The following BICC1 variants were observed in gnomAD, a reference collection of about 807,000 sequenced individuals.
BICC1 encodes BicC family RNA binding protein 1, also known as protein bicaudal C homolog 1.
A neutral mutation model predicts 111.0 loss-of-function variants in BICC1; 43 were observed. The ratio of observed to expected loss-of-function variants is 0.39; its 90% CI spans 0.30 to 0.50. The LOEUF (loss-of-function observed/expected upper bound fraction) is 0.50, where lower values mean the gene tolerates loss of function less well. Ranked by LOEUF, BICC1 falls within the 20% of genes least tolerant of loss-of-function variation. The probability of loss-of-function intolerance (pLI) is 0.88; values close to 1 mark genes in which losing one functional copy is unlikely to be tolerated. For synonymous variants in BICC1, 467 were observed against 434.4 expected (o/e 1.07, Z -0.93); for missense variants, 1,091 against 1,203.2 (o/e 0.91, Z 1.38).
At chr10:58,534,873 T>C (rs750316546) in intron 1 of BICC1, among the ~76,000 whole-genome samples, 1 of 151,368 alleles carries the variant, frequency 6.6e-6, no homozygotes, top group Non-Finnish European at 1.5e-5. Context: ...AATTTTTTTT[T>C]AAAGAGATAG....
At chr10:58,634,353 G>A (rs1837891247) in intron 2 of BICC1, among the ~76,000 whole-genome samples, 1 of 152,062 alleles carries the variant, frequency 6.6e-6, no homozygotes, top group Admixed American at 6.5e-5. Flanking sequence ...CATTTCTCCA[G>A]TTCTACCGTC....
chr10:58,777,905 G>A lies in BICC1; in HGVS notation c.308-7096G>A, dbSNP rs1842790518. 3.3e-5 allele frequency among the ~76,000 whole-genome samples: 5 copies of A among 152,182 alleles called. No individual in the cohort carries two copies. The South Asian group carries it at 1.0e-3, about 32-fold the overall frequency. On this transcript the variant is annotated intron_variant, in intron 3 of 20. Transcript: ENST00000373886. The stretch of plus-strand genomic sequence containing the variant: ...TCTTCTCTTTTAGTTGACTAGTAAG[G>A]AGATTATTTTTTCAGTTTTAAAATA...
At chr10:58,710,035 G>T (rs1012746203) in intron 3 of BICC1, among the ~76,000 whole-genome samples, 1 of 152,110 alleles carries the variant, frequency 6.6e-6, no homozygotes, top group Non-Finnish European at 1.5e-5. Context: ...TATGTAAGTG[G>T]GTCCTACCAT....
chr10:58,787,125 C>T (rs771614436), intron 5 of BICC1, 44 bp downstream of exon 5: 1 of 1,473,812 alleles, frequency 6.8e-7, no homozygotes, highest in African/African-American at 1.5e-5. Context: ...TGAATTACAG[C>T]CTTAATTTAA....
rs148741340 is a variant in BICC1 at position 58,538,726 on chromosome 10, A to C, written c.190+25393A>C. ...CATCTGACAACATACACGGAACTCA[A>C]ATCACTAAGAAAAAACAAATAATCC... is the stretch of plus-strand genomic sequence containing the variant. On this transcript the variant is annotated intron_variant, in intron 1 of 20. Transcript: ENST00000373886. 2.3e-3 allele frequency among the ~76,000 whole-genome samples: 354 copies of C among 152,036 alleles called. 1 individual carries two copies. Among genetic ancestry groups the C allele is most frequent in the African/African-American group, 8.2e-3 (341 of 41,518 alleles).
intron 1 of BICC1, among the ~76,000 whole-genome samples, chr10:58,565,938 A>G (rs1277323997): frequency 2.6e-5 from 4 of 152,040 alleles, no homozygotes; most frequent in Admixed American, 1.3e-4. Flanking sequence ...ACTGTACCCA[A>G]TTTCTAGTCT....
chr10:58,630,930 T>TA (rs1251558840), intron 2 of BICC1, among the ~76,000 whole-genome samples: 2 of 152,184 alleles, frequency 1.3e-5, no homozygotes, highest in African/African-American at 4.8e-5. Flanking sequence ...TAGACCATAC[T>TA]ATACCAGTGT....
intron 2 of BICC1, among the ~76,000 whole-genome samples, chr10:58,628,346 C>A (rs964432785): frequency 6.6e-6 from 1 of 152,136 alleles, no homozygotes; most frequent in African/African-American, 2.4e-5. Flanking sequence ...ACTGAGGTTA[C>A]TTCTGTGTCT....
intron 3 of BICC1, chr10:58,716,236 A>G (rs920879383): frequency 1.5e-5 from 22 of 1,497,070 alleles, no homozygotes; most frequent in Middle Eastern, 4.8e-4. Flanking sequence ...TAAGAAGCAT[A>G]AGAAACACAG....
chr10:58,575,588 G>T (rs1844087601), intron 1 of BICC1, among the ~76,000 whole-genome samples: 1 of 151,442 alleles, frequency 6.6e-6, no homozygotes, highest in South Asian at 2.1e-4. Flanking sequence ...GGTTGTTGTT[G>T]TTGGTTTTTT....
intron 8 of BICC1, among the ~76,000 whole-genome samples, chr10:58,790,819 T>A (rs1843153786): frequency 6.6e-6 from 1 of 152,124 alleles, no homozygotes; most frequent in Admixed American, 6.5e-5. Context: ...ATAAATGAAA[T>A]GGAATGAAAT....
At chr10:58,561,346 C>T (rs953119934) in intron 1 of BICC1, among the ~76,000 whole-genome samples, 2 of 151,600 alleles carry the variant, frequency 1.3e-5, no homozygotes, top group Non-Finnish European at 2.9e-5. Flanking sequence ...TTCATTTTAT[C>T]TAATATAAAT....
At chr10:58,687,517 C>T (rs1199815931) in intron 2 of BICC1, among the ~76,000 whole-genome samples, 3 of 152,182 alleles carry the variant, frequency 2.0e-5, no homozygotes, top group Admixed American at 2.0e-4. Context: ...GTGGGCTCCA[C>T]CCAGTTTGAG....
chr10:58,694,005 C>T lies in BICC1; in HGVS notation c.238-8069C>T, dbSNP rs116067415. ...TTTTTATGGTTTTAGGTCATATCTCCATCTTTTTTGTCACAGCCCCTTCCT... is the reference window on the plus strand; with the variant it reads ...TTTTTATGGTTTTAGGTCATATCTCTATCTTTTTTGTCACAGCCCCTTCCT... On this transcript the variant is annotated intron_variant, in intron 2 of 20. Transcript: ENST00000373886. Among the ~76,000 whole-genome samples the T allele has an allele frequency of 9.8e-3, 1,493 of 152,092 alleles. 34 individuals are homozygous for T. Among genetic ancestry groups the T allele is most frequent in the African/African-American group, 0.034 (1,423 of 41,520 alleles).
rs1037990030 is a variant in BICC1, at chr10:58,788,360, C to A, written c.547-10C>A. ...AATAAATCTAACTTTGTATTTTCCT[C>A]CTCTTATAGGTATCTATAGCGGGAC... is the stretch of plus-strand genomic sequence containing the variant. On this transcript the variant is annotated splice_polypyrimidine_tract_variant and intron_variant, in intron 5 of 20. Transcript: ENST00000373886. The A allele has an allele frequency of 1.9e-6, 3 of 1,596,292 alleles. No homozygotes were observed. Among genetic ancestry groups the A allele is most frequent in the Non-Finnish European group, 2.6e-6 (3 of 1,165,830 alleles).
At chr10:58,778,336 C>G (rs1254900733) in intron 3 of BICC1, among the ~76,000 whole-genome samples, 1 of 152,016 alleles carries the variant, frequency 6.6e-6, no homozygotes, top group Admixed American at 6.5e-5. Flanking sequence ...ACCCACCACA[C>G]AAAAATACAC....
intron 1 of BICC1, among the ~76,000 whole-genome samples, chr10:58,521,346 G>A (rs1201758418): frequency 6.6e-6 from 1 of 152,090 alleles, no homozygotes; most frequent in Non-Finnish European, 1.5e-5. Context: ...TGCCAGGTGC[G>A]GAGCAGGTAC....
intron 3 of BICC1, among the ~76,000 whole-genome samples, chr10:58,718,424 A>G (rs551608946): frequency 5.9e-5 from 9 of 152,324 alleles, no homozygotes; most frequent in Non-Finnish European, 1.2e-4. Flanking sequence ...GTAGGTTTCA[A>G]CATAGGAATT....
chr10:58,621,972 T>A (rs1246552014), intron 2 of BICC1, among the ~76,000 whole-genome samples: 1 of 65,928 alleles, frequency 1.5e-5, no homozygotes, highest in Non-Finnish European at 3.2e-5. Flanking sequence ...AATAGAATAA[T>A]CCAGCCTGGG....
Sources: allele counts gnomAD v4.1 joint callset (sites outside exome capture counted in the v4.1 genomes callset), GRCh38; gene constraint gnomAD v4.1.1; transcripts MANE v1.5; gene names NCBI Gene and HGNC (gene_info 2026-07-23, HGNC 2026-07-21).